Variants in LCOR observed in about 807,000 individuals in gnomAD.
LCOR encodes ligand-dependent corepressor.
LCOR carries 14 observed loss-of-function variants against 64.4 expected under a neutral mutation model. The ratio of observed to expected loss-of-function variants is 0.22; its 90% CI spans 0.14 to 0.34. LCOR has a LOEUF of 0.34. LCOR is among the 10% of genes least tolerant of loss of function. LCOR has a pLI of 1.00. For synonymous variants in LCOR, 643 were observed against 642.5 expected (o/e 1.00, Z -0.01); for missense variants, 1,686 against 1,765.3 (o/e 0.96, Z 0.80).
chr10:96,864,602 T>C (rs907278699), intron 2 of LCOR, among the ~76,000 whole-genome samples: 2 of 152,220 alleles, frequency 1.3e-5, no homozygotes, highest in Non-Finnish European at 2.9e-5. Flanking sequence ...AAAGAGACGT[T>C]GTTCTCTGCA....
At chr10:96,834,275 T>G (rs1371723423) in intron 2 of LCOR, among the ~76,000 whole-genome samples, 5 of 152,214 alleles carry the variant, frequency 3.3e-5, no homozygotes, top group South Asian at 2.1e-4. Flanking sequence ...TTCAAACATA[T>G]GCTTGTGCAA....
chr10:96,905,110 C>G (rs1245472507), intron 2 of LCOR, among the ~76,000 whole-genome samples: 1 of 152,014 alleles, frequency 6.6e-6, no homozygotes, highest in Non-Finnish European at 1.5e-5. Context: ...ATCTGTGACT[C>G]AAATTTTTGT....
intron 1 of LCOR, chr10:96,832,959 G>A (rs946532712): frequency 2.0e-5 from 20 of 981,962 alleles, no homozygotes; most frequent in Admixed American, 6.2e-5. Context: ...GGGCGTGTGC[G>A]AAGCGTGAGG....
intron 7 of LCOR, among the ~76,000 whole-genome samples, chr10:96,975,039 C>T (rs940424072): frequency 6.6e-6 from 1 of 152,172 alleles, no homozygotes; most frequent in African/African-American, 2.4e-5. Flanking sequence ...GGTGTGGTGG[C>T]ACATGCCTGT....
chr10:96,912,910 A>G (rs901575454), intron 4 of LCOR, among the ~76,000 whole-genome samples: 53 of 152,126 alleles, frequency 3.5e-4, no homozygotes, highest in African/African-American at 1.3e-3. Context: ...TTAATATATC[A>G]GTACGAATTC....
rs1202268015 is a variant in LCOR at position 96,992,325 on chromosome 10, T to C, written c.*7191T>C. 3.3e-5 allele frequency: 5 copies of C among 152,226 alleles called. No individual in the cohort carries two copies. Among genetic ancestry groups the C allele is most frequent in the Non-Finnish European group, 7.3e-5 (5 of 68,040 alleles). The allele number at this position is 152,226 out of a possible 1,614,324, so 9.4% of individuals were successfully genotyped here. On this transcript the variant is annotated 3_prime_UTR_variant, in exon 8 of 8. Transcript: ENST00000421806. ...TGTTCAGATACTTCTATAGAAAGTA[T>C]TTATTTTAACAAGAAAATTAACTGT... is the stretch of plus-strand genomic sequence containing the variant.
chr10:96,984,018 G>T lies in LCOR; in HGVS notation c.3558G>T (p.Trp1186Cys). 6.2e-7 allele frequency: 1 copy of T among 1,614,112 alleles called. No individual in the cohort carries two copies. The highest frequency in any genetic ancestry group is 8.5e-7 in the Non-Finnish European group (1 of 1,180,016). Reference sequence around the variant, plus strand: ...TTAAATTATCTAATGTTTGTAAATGGTTCTTAGAGACAACTGAAACCCGGT... The same window carrying T: ...TTAAATTATCTAATGTTTGTAAATGTTTCTTAGAGACAACTGAAACCCGGT... The part of the protein sequence containing the change: ...TNFKLSNVCK[W>C]FLETTETRSL... The change falls in exon 8 of 8, where the codon TGG becomes TGT. Residue 1186 changes from tryptophan to cysteine, a missense_variant. Physicochemically the swap from Trp to Cys is radical, Grantham distance 215 (BLOSUM62 -2). This residue lies in a region of LCOR where 1,293 missense variants were observed against 1,410.4 expected (regional missense o/e 0.92). Coordinates refer to ENST00000421806, the MANE Select transcript of LCOR (RefSeq NM_001346516.2).
rs1480572660 is a variant in LCOR at position 96,988,441 on chromosome 10, A to G, written c.*3307A>G. 6.6e-6 allele frequency: 1 copy of G among 152,218 alleles called. No homozygotes were observed. The highest frequency in any genetic ancestry group is 1.5e-5 in the Non-Finnish European group (1 of 68,044). 9.4% of individuals were successfully genotyped at this position (152,218 alleles called of 1,614,324 possible). The stretch of plus-strand genomic sequence containing the variant: ...GTTCCTAAAATCGTATGGATAGAAG[A>G]GGTGCCCTTAGTCATCCCTTTACAT... On this transcript the variant is annotated 3_prime_UTR_variant, in exon 8 of 8. Coordinates refer to ENST00000421806, the MANE Select transcript of LCOR (RefSeq NM_001346516.2).
At chr10:96,839,401 C>T (rs1845500332) in intron 2 of LCOR, among the ~76,000 whole-genome samples, 2 of 152,040 alleles carry the variant, frequency 1.3e-5, no homozygotes, top group Non-Finnish European at 2.9e-5. Flanking sequence ...AGTAATAGAA[C>T]GAAATAGAAT....
chr10:96,910,937 C>A (rs1396755444), intron 4 of LCOR, among the ~76,000 whole-genome samples: 2 of 152,072 alleles, frequency 1.3e-5, no homozygotes, highest in African/African-American at 4.8e-5. Flanking sequence ...ACGAAGTAGC[C>A]TCTTTGGGAA....
intron 2 of LCOR, among the ~76,000 whole-genome samples, chr10:96,897,240 T>C (rs553409906): frequency 5.3e-5 from 8 of 152,328 alleles, no homozygotes; most frequent in African/African-American, 1.4e-4. Flanking sequence ...TATGTTATTG[T>C]TTGTAGCAGG....
At chr10:96,859,145 A>G (rs1227841778) in intron 2 of LCOR, among the ~76,000 whole-genome samples, 1 of 152,038 alleles carries the variant, frequency 6.6e-6, no homozygotes, top group Non-Finnish European at 1.5e-5. Flanking sequence ...GTTTTAACTG[A>G]TATCATCAGG....
intron 5 of LCOR, among the ~76,000 whole-genome samples, chr10:96,947,812 C>G (rs1847614466): frequency 6.6e-6 from 1 of 151,824 alleles, no homozygotes; most frequent in South Asian, 2.1e-4. Flanking sequence ...ACACTTTAGA[C>G]CAGGCAAGAT....
Position 96,981,654 on chromosome 10 carries a change from T to C in LCOR, c.1194T>C (p.Ser398=). The change falls in exon 8 of 8, where the codon TCT becomes TCC. Residue 398 remains serine, a synonymous_variant. Transcript: ENST00000421806. ...ARPKQENHLH[S]LGRNKVGYHL... Reference sequence around the variant, plus strand: ...CAAAGCAAGAGAACCATCTTCACTCTCTGGGAAGAAATAAGGTGGGTTACC... The same window carrying C: ...CAAAGCAAGAGAACCATCTTCACTCCCTGGGAAGAAATAAGGTGGGTTACC... The C allele has an allele frequency of 6.2e-7, 1 of 1,614,206 alleles. No homozygotes were observed. The highest frequency in any genetic ancestry group is 1.1e-5 in the South Asian group (1 of 91,080).
intron 6 of LCOR, among the ~76,000 whole-genome samples, chr10:96,950,864 GTAC>G (rs1847666581): frequency 6.6e-6 from 1 of 152,076 alleles, no homozygotes; most frequent in African/African-American, 2.4e-5. Context: ...GTAAGCAGTA[GTAC>G]ATTTGCTTCT....
chr10:96,909,763 G>A (rs1433198677), intron 4 of LCOR, among the ~76,000 whole-genome samples: 1 of 152,110 alleles, frequency 6.6e-6, no homozygotes, highest in East Asian at 1.9e-4. Context: ...GTTGAATTGA[G>A]GAAGAACGTG....
At chr10:96,955,051 G>A in intron 7 of LCOR, 1 of 1,614,090 alleles carries the variant, frequency 6.2e-7, no homozygotes, top group South Asian at 1.1e-5. Flanking sequence ...GAAGGTTTTG[G>A]ACACTCCACA....
intron 5 of LCOR, 111 bp downstream of exon 5, chr10:96,944,356 A>G (rs1471801988): frequency 1.8e-6 from 1 of 549,270 alleles, no homozygotes; most frequent in Non-Finnish European, 2.3e-6. Flanking sequence ...CTTTATTGAT[A>G]TAATTTATAT....
In LCOR at chr10:96,995,892, C is replaced by G. The variant is rs1190547754; in HGVS notation, c.*10758C>G. ...GGAGGGGTTTCTCTAACACTGACTTCTATTCCATGAGCTTTTTCAAGGCGC... is the reference window on the plus strand; with the variant it reads ...GGAGGGGTTTCTCTAACACTGACTTGTATTCCATGAGCTTTTTCAAGGCGC... On this transcript the variant is annotated 3_prime_UTR_variant, in exon 8 of 8. Coordinates refer to ENST00000421806, the MANE Select transcript of LCOR (RefSeq NM_001346516.2). This position sits in a 1 kb window ranked among gnomAD's most constrained non-coding sequence, Gnocchi z 4.2. 2 of 152,200 alleles carry G rather than the reference C, an allele frequency of 1.3e-5. No individual in the cohort carries two copies. Among genetic ancestry groups the G allele is most frequent in the East Asian group, 3.8e-4 (2 of 5,200 alleles). The allele number at this position is 152,200 out of a possible 1,614,324, so 9.4% of individuals were successfully genotyped here.
Sources: allele counts gnomAD v4.1 joint callset (sites outside exome capture counted in the v4.1 genomes callset), GRCh38; gene constraint gnomAD v4.1.1; regional missense constraint gnomAD v4.1.1; non-coding constraint Gnocchi (gnomAD v3.1); transcripts MANE v1.5; gene names NCBI Gene and HGNC (gene_info 2026-07-23, HGNC 2026-07-21).